RHBDL2: variants seen among roughly 807,000 people sequenced by gnomAD.
The protein encoded by RHBDL2 is rhomboid like 2, also known as rhomboid-related protein 2.
RHBDL2 carries 26 observed loss-of-function variants against 31.7 expected under a neutral mutation model. That is an observed-to-expected ratio of 0.82 (90% CI 0.60 to 1.14). RHBDL2 has a LOEUF of 1.14. RHBDL2 is among the 50% of genes most tolerant of loss of function. The pLI is 0.00. For missense variants in RHBDL2, 336 were observed against 364.4 expected, an observed-to-expected ratio of 0.92 and a Z score of 0.63; for synonymous variants, 123 against 127.2, an observed-to-expected ratio of 0.97 and a Z score of 0.22.
chr1:38,901,238 A>C (rs1642984532), intron 4 of RHBDL2, among the ~76,000 whole-genome samples: 3 of 151,646 alleles, frequency 2.0e-5, no homozygotes, highest in Non-Finnish European at 4.4e-5. Flanking sequence ...CAAGGCAGGC[A>C]GATCTCCTGA....
At chr1:38,889,036 C>T (rs1642820977) in intron 6 of RHBDL2, among the ~76,000 whole-genome samples, 1 of 152,098 alleles carries the variant, frequency 6.6e-6, no homozygotes, top group South Asian at 2.1e-4. Context: ...AGGACTTCAA[C>T]CTTTACTGAG....
intron 1 of RHBDL2, among the ~76,000 whole-genome samples, chr1:38,932,580 C>A (rs1643449716): frequency 6.6e-6 from 1 of 152,218 alleles, no homozygotes; most frequent in Admixed American, 6.5e-5. Context: ...GTGCCTCAGC[C>A]TCCCAAGTAG....
intron 1 of RHBDL2, among the ~76,000 whole-genome samples, chr1:38,932,800 G>A (rs1643452623): frequency 6.6e-6 from 1 of 152,132 alleles, no homozygotes; most frequent in Admixed American, 6.6e-5. Context: ...CTGTTACACA[G>A]TAATAGCTAC....
intron 3 of RHBDL2, among the ~76,000 whole-genome samples, chr1:38,912,910 A>ATATATGTG (rs1399583863): frequency 7.2e-5 from 3 of 41,392 alleles, no homozygotes; most frequent in African/African-American, 1.8e-4. Flanking sequence ...ATATATATAT[A>ATATATGTG]TGTGTGTGTG....
chr1:38,913,551 T>C (rs1464648082), intron 3 of RHBDL2: 1 of 151,488 alleles, frequency 6.6e-6, no homozygotes, highest in African/African-American at 2.4e-5. Flanking sequence ...GCACTCTCTA[T>C]GTTGCCCAGG....
At chr1:38,905,025 C>T (rs962283121) in intron 4 of RHBDL2, among the ~76,000 whole-genome samples, 3 of 149,458 alleles carry the variant, frequency 2.0e-5, no homozygotes, top group Non-Finnish European at 4.4e-5. Context: ...AGCGAGACTC[C>T]GTCTCAAAAA....
intron 1 of RHBDL2, among the ~76,000 whole-genome samples, chr1:38,927,319 C>A (rs1273598965): frequency 6.6e-6 from 1 of 151,628 alleles, no homozygotes; most frequent in East Asian, 1.9e-4. Context: ...CCCAGCTACT[C>A]GGGAGGCTGA....
At chr1:38,886,950 A>T (rs74064938) in intron 7 of RHBDL2, among the ~76,000 whole-genome samples, 1 of 152,214 alleles carries the variant, frequency 6.6e-6, no homozygotes, top group Non-Finnish European at 1.5e-5. Context: ...ATTCTTAATC[A>T]TCATTGCATT....
intron 3 of RHBDL2, among the ~76,000 whole-genome samples, chr1:38,912,214 A>T (rs1570927862): frequency 6.6e-6 from 1 of 150,864 alleles, no homozygotes; most frequent in African/African-American, 2.4e-5. Flanking sequence ...CAGGTGATCT[A>T]CCTGCCTCAG....
At chr1:38,891,543 A>G (rs1570911727) in intron 6 of RHBDL2, among the ~76,000 whole-genome samples, 1 of 152,208 alleles carries the variant, frequency 6.6e-6, no homozygotes, top group East Asian at 1.9e-4. Flanking sequence ...GTGACCCTGA[A>G]CAACTGAGGA....
At chr1:38,894,995 G>A (rs1034133498) in intron 5 of RHBDL2, among the ~76,000 whole-genome samples, 11 of 152,188 alleles carry the variant, frequency 7.2e-5, no homozygotes, top group Middle Eastern at 3.4e-3. Context: ...GTGAGCCACC[G>A]CACCCGGCCA....
chr1:38,935,227 T>C (rs896738564), intron 1 of RHBDL2, among the ~76,000 whole-genome samples: 16 of 152,220 alleles, frequency 1.1e-4, no homozygotes, highest in African/African-American at 3.6e-4. Flanking sequence ...AAAGAGATTT[T>C]CTGTCCATAA....
chr1:38,902,630 C>T (rs1045444209), intron 4 of RHBDL2, among the ~76,000 whole-genome samples: 5 of 152,128 alleles, frequency 3.3e-5, no homozygotes, highest in East Asian at 1.9e-4. Context: ...CCATGTTGGT[C>T]GGGCTGGTCT....
intron 1 of RHBDL2, among the ~76,000 whole-genome samples, chr1:38,931,351 C>T (rs532135614): frequency 1.2e-4 from 18 of 152,032 alleles, no homozygotes; most frequent in Admixed American, 2.6e-4. Flanking sequence ...GAAACCCCGT[C>T]TCTACTAAAA....
At chr1:38,935,274 G>A (rs540017480) in intron 1 of RHBDL2, among the ~76,000 whole-genome samples, 12 of 152,276 alleles carry the variant, frequency 7.9e-5, no homozygotes, top group Middle Eastern at 3.4e-3. Context: ...TTCCATAAAT[G>A]CATTAATTTG....
chr1:38,892,888 T>A (rs1198404796), intron 6 of RHBDL2, among the ~76,000 whole-genome samples: 3 of 152,142 alleles, frequency 2.0e-5, no homozygotes, highest in African/African-American at 7.2e-5. Flanking sequence ...ACAACACAAG[T>A]CTAAGACTAG....
In RHBDL2 at chr1:38,928,724, G is replaced by A. The variant is rs575578771; in HGVS notation, c.-125-9387C>T. 7.2e-5 allele frequency among the ~76,000 whole-genome samples: 11 copies of A among 152,206 alleles called. No homozygotes were observed. In the East Asian group the frequency reaches 1.9e-3, roughly 27 times the overall value. On this transcript the variant is annotated intron_variant, in intron 1 of 7. Transcript: ENST00000372990. Reference sequence around the variant, plus strand: ...GCATCCCAACGTGCTGGGATTACAGGCATGAACCACTGTGCCTGGCCATGT... The same window carrying A: ...GCATCCCAACGTGCTGGGATTACAGACATGAACCACTGTGCCTGGCCATGT...
At chr1:38,899,738 C>G (rs1557610482) in intron 4 of RHBDL2, among the ~76,000 whole-genome samples, 1 of 152,228 alleles carries the variant, frequency 6.6e-6, no homozygotes, top group Admixed American at 6.5e-5. Flanking sequence ...TCAAGGCCAC[C>G]TGCCAACAGC....
At chr1:38,921,351 A>G (rs1643312197) in intron 1 of RHBDL2, among the ~76,000 whole-genome samples, 1 of 152,240 alleles carries the variant, frequency 6.6e-6, no homozygotes, top group African/African-American at 2.4e-5. Flanking sequence ...ACTGCACTCC[A>G]GACTGGGTGA....
Sources: allele counts gnomAD v4.1 joint callset (sites outside exome capture counted in the v4.1 genomes callset), GRCh38; gene constraint gnomAD v4.1.1; transcripts MANE v1.5; gene names NCBI Gene and HGNC (gene_info 2026-07-23, HGNC 2026-07-21).